The following SEC23A variants were observed in gnomAD, a reference collection of about 807,000 sequenced individuals.
SEC23A encodes the protein protein transport protein Sec23A.
SEC23A carries 56 observed loss-of-function variants against 103.7 expected under a neutral mutation model. That is an observed-to-expected ratio of 0.54 (90% CI 0.44 to 0.67). SEC23A has a LOEUF of 0.67. Among genes scored for constraint, SEC23A ranks in the 30% least tolerant of loss-of-function variants. The pLI is 0.00. For synonymous variants in SEC23A, 281 were observed against 293.0 expected (o/e 0.96, Z 0.42); for missense variants, 784 against 936.4 (o/e 0.84, Z 2.12).
intron 9 of SEC23A, among the ~76,000 whole-genome samples, chr14:39,073,702 C>T (rs562837200): frequency 2.3e-4 from 35 of 150,286 alleles, no homozygotes; most frequent in Non-Finnish European, 4.1e-4. Flanking sequence ...CTCTGCCACC[C>T]GGGTTCAAGC....
intron 1 of SEC23A, among the ~76,000 whole-genome samples, chr14:39,101,828 G>A (rs1166270317): frequency 1.3e-5 from 2 of 152,046 alleles, no homozygotes; most frequent in Non-Finnish European, 2.9e-5. Flanking sequence ...TTATGATCTT[G>A]GACAATTAAC....
chr14:39,091,207 T>C (rs550981356), intron 5 of SEC23A: 2 of 484,774 alleles, frequency 4.1e-6, no homozygotes, highest in East Asian at 8.1e-5. Flanking sequence ...GCATGACTCT[T>C]CATAAGCCCT....
chr14:39,076,173 T>A, intron 7 of SEC23A, 80 bp from the exon 8 acceptor site: 1 of 1,036,364 alleles, frequency 9.6e-7, no homozygotes, highest in Non-Finnish European at 1.4e-6. Flanking sequence ...ATATTCCTTC[T>A]AAATAAGAGA....
At chr14:39,083,321 C>CA (rs1484328134) in intron 7 of SEC23A, among the ~76,000 whole-genome samples, 2 of 152,058 alleles carry the variant, frequency 1.3e-5, no homozygotes, top group African/African-American at 4.8e-5. Context: ...ATCAGAAACT[C>CA]AAAAGAATGC....
At chr14:39,076,124 A>G in intron 7 of SEC23A, 31 bp from the exon 8 acceptor site, 1 of 1,484,544 alleles carries the variant, frequency 6.7e-7, no homozygotes, top group Non-Finnish European at 9.3e-7. Flanking sequence ...AGTTTAAAAG[A>G]AAACATATGA....
intron 1 of SEC23A, among the ~76,000 whole-genome samples, chr14:39,102,378 G>A (rs1284520348): frequency 6.6e-6 from 1 of 152,196 alleles, no homozygotes; most frequent in Non-Finnish European, 1.5e-5. Flanking sequence ...GGCTTTGGAC[G>A]GTAGAGGTTG....
intron 19 of SEC23A, among the ~76,000 whole-genome samples, chr14:39,034,954 C>T (rs1389740618): frequency 6.6e-6 from 1 of 152,080 alleles, no homozygotes; most frequent in Non-Finnish European, 1.5e-5. Flanking sequence ...CCCAAAAAAT[C>T]CTGTAAGCTA....
chr14:39,037,245 T>C (rs1326282099), intron 19 of SEC23A, among the ~76,000 whole-genome samples: 2 of 152,126 alleles, frequency 1.3e-5, no homozygotes, highest in East Asian at 1.9e-4. Flanking sequence ...ATAATCAATA[T>C]GGTCATCTTA....
At chr14:39,070,944 T>C (rs1886821593) in intron 9 of SEC23A, among the ~76,000 whole-genome samples, 1 of 152,056 alleles carries the variant, frequency 6.6e-6, no homozygotes, top group Non-Finnish European at 1.5e-5. Flanking sequence ...GCAGAATCAC[T>C]TGAACCCAGG....
intron 16 of SEC23A, among the ~76,000 whole-genome samples, chr14:39,043,853 A>G (rs1490100186): frequency 1.3e-5 from 2 of 152,222 alleles, no homozygotes; most frequent in Non-Finnish European, 2.9e-5. Context: ...GGTGGTCTTT[A>G]TAAGAGCCAT....
chr14:39,077,227 CA>C (rs57549556), intron 7 of SEC23A, among the ~76,000 whole-genome samples: 912 of 36,416 alleles, frequency 0.025, 4 homozygotes, highest in African/African-American at 0.11. Context: ...GACTCCATCT[CA>C]AAAAAAAAAA....
chr14:39,050,808 G>GAAGGAAGA (rs71434001), intron 14 of SEC23A, among the ~76,000 whole-genome samples: 3 of 150,610 alleles, frequency 2.0e-5, no homozygotes, highest in Non-Finnish European at 3.0e-5. Context: ...GGAAAGAAAG[G>GAAGGAAGA]AAGAAAGAAA....
chr14:39,057,100 G>C (rs1250830430), intron 13 of SEC23A, among the ~76,000 whole-genome samples: 2 of 151,980 alleles, frequency 1.3e-5, no homozygotes, highest in African/African-American at 4.8e-5. Context: ...GATTGCTTGA[G>C]CTCAGGAGTT....
At chr14:39,084,090 C>T (rs530915872) in intron 7 of SEC23A, among the ~76,000 whole-genome samples, 11 of 152,016 alleles carry the variant, frequency 7.2e-5, no homozygotes, top group East Asian at 1.9e-4. Context: ...GGCATGATCT[C>T]GGCTCACTGC....
intron 2 of SEC23A, among the ~76,000 whole-genome samples, chr14:39,094,277 TATACAC>T (rs1265037263): frequency 2.3e-4 from 12 of 52,712 alleles, no homozygotes; most frequent in African/African-American, 7.4e-4. Context: ...TATATACACA[TATACAC>T]ATATATATGC....
intron 11 of SEC23A, 102 bp from the exon 12 acceptor site, chr14:39,063,515 T>C (rs1886549468): frequency 2.8e-6 from 2 of 702,790 alleles, no homozygotes; most frequent in Admixed American, 5.2e-5. Flanking sequence ...AAAAAAGTCA[T>C]GTTTCAAACT....
At chr14:39,057,274 C>A (rs954953215) in intron 13 of SEC23A, among the ~76,000 whole-genome samples, 3 of 150,758 alleles carry the variant, frequency 2.0e-5, no homozygotes, top group Non-Finnish European at 2.9e-5. Context: ...CCACTGCACT[C>A]CAGCATGGGC....
In SEC23A at chr14:39,075,998, T is replaced by C. The variant is rs754834212; in HGVS notation, c.924A>G (p.Thr308=). 4.3e-6 allele frequency: 7 copies of C among 1,613,974 alleles called. No homozygotes were observed. The highest frequency in any genetic ancestry group is 5.9e-6 in the Non-Finnish European group (7 of 1,179,926). Reference sequence around the variant, plus strand: ...CAATGTCATGCCACGATCTTATAGGTGTCTTCAACTCATCTCCAACCACCA... The same window carrying C: ...CAATGTCATGCCACGATCTTATAGGCGTCTTCAACTCATCTCCAACCACCA... ...PGMVVGDELK[T]PIRSWHDIDK... is the part of the protein sequence containing the mutation. The change falls in exon 8 of 20, where the codon ACA becomes ACG. Residue 308 remains threonine, a synonymous_variant. Coordinates refer to ENST00000307712, the MANE Select transcript of SEC23A (RefSeq NM_006364.4).
Position 39,063,347 on chromosome 14 carries a change from T to C in SEC23A, c.1375A>G (p.Ile459Val). Residue 459 changes from isoleucine to valine, a missense_variant, in exon 12 of 20, where the codon ATA becomes GTA. Transcript: ENST00000307712. ...CGLSPTTTLA[I>V]YFEVVNQHNA... ...ACCTGATTGACAACCTCAAAATATATGGCTAAGGTTGTAGTGGGACTAAGT... is the reference window on the plus strand; with the variant it reads ...ACCTGATTGACAACCTCAAAATATACGGCTAAGGTTGTAGTGGGACTAAGT... 1 of 1,609,918 alleles carries C rather than the reference T, an allele frequency of 6.2e-7. No individual in the cohort carries two copies. The highest frequency in any genetic ancestry group is 8.5e-7 in the Non-Finnish European group (1 of 1,176,366).
Sources: allele counts gnomAD v4.1 joint callset (sites outside exome capture counted in the v4.1 genomes callset), GRCh38; gene constraint gnomAD v4.1.1; transcripts MANE v1.5; gene names NCBI Gene and HGNC (gene_info 2026-07-23, HGNC 2026-07-21).